Variants in RHBDL3 observed in about 807,000 individuals in gnomAD.
The protein encoded by RHBDL3 is rhomboid-related protein 3.
A neutral mutation model predicts 48.2 loss-of-function variants in RHBDL3; 28 were observed. The ratio of observed to expected loss-of-function variants is 0.58; its 90% confidence interval spans 0.43 to 0.80. The LOEUF is 0.80. Among genes scored for constraint, RHBDL3 ranks in the 30% least tolerant of loss-of-function variants. RHBDL3 has a pLI of 0.00. For synonymous variants in RHBDL3, 208 were observed against 232.3 expected, an observed-to-expected ratio of 0.90 and a Z score of 0.95; for missense variants, 464 against 542.7, an observed-to-expected ratio of 0.85 and a Z score of 1.44.
At position 32,322,328 on chromosome 17, in the gene RHBDL3, C is replaced by G. The variant is rs551467671; in HGVS notation, c.*1099C>G. 6.6e-6 allele frequency: 1 copy of G among 152,562 alleles called. No individual in the cohort carries two copies. The allele number at this position is 152,562 out of a possible 1,614,324, so 9.5% of individuals were successfully genotyped here. On this transcript the variant is annotated 3_prime_UTR_variant, in exon 9 of 9. Coordinates refer to ENST00000269051, the MANE Select transcript of RHBDL3 (RefSeq NM_138328.3). ...CTTCCCATCTCCTGTCCCTTCCACACCTGCCCCTGAGCATCACTGACCGGT... is the reference window on the plus strand; with the variant it reads ...CTTCCCATCTCCTGTCCCTTCCACAGCTGCCCCTGAGCATCACTGACCGGT...
intron 7 of RHBDL3, 65 bp from the exon 8 acceptor site, chr17:32,316,167 A>T: frequency 8.4e-7 from 1 of 1,190,604 alleles, no homozygotes; most frequent in South Asian, 1.2e-5. Flanking sequence ...AGGTTTTCTT[A>T]AGCAAGACAC....
At chr17:32,284,617 G>A (rs1210643966) in intron 2 of RHBDL3, 42 bp from the exon 3 acceptor site, 3 of 1,601,080 alleles carry the variant, frequency 1.9e-6, no homozygotes, top group South Asian at 1.1e-5. Flanking sequence ...TGAAGAGGAG[G>A]TGGTGCCCTG....
intron 7 of RHBDL3, among the ~76,000 whole-genome samples, chr17:32,313,476 T>TACATTC (rs1319213773): frequency 6.6e-6 from 1 of 152,234 alleles, no homozygotes; most frequent in Non-Finnish European, 1.5e-5. Context: ...AGTACATTCA[T>TACATTC]ACATTCACAT....
rs1597653445 is a variant in RHBDL3, at chr17:32,294,353, T to C, written c.579T>C (p.His193=). The change falls in exon 5 of 9, where the codon CAT becomes CAC. Residue 193 remains histidine (H), a synonymous_variant. Transcript: ENST00000269051. ...SLGQFVLQVT[H]PRYLKNSLVY... is the part of the protein sequence containing the mutation. ...GTCAATTTGTACTGCAGGTAACTCA[T>C]CCACGTTACTTGAAGAACTCCCTGG... The C allele has an allele frequency of 2.5e-6, 4 of 1,613,916 alleles. No individual in the cohort carries two copies. Among genetic ancestry groups the C allele is most frequent in the South Asian group, 1.1e-5 (1 of 91,078 alleles).
chr17:32,291,954 T>C (rs1301816543), intron 4 of RHBDL3, among the ~76,000 whole-genome samples: 1 of 151,922 alleles, frequency 6.6e-6, no homozygotes, highest in Non-Finnish European at 1.5e-5. Context: ...ATATTTTTAG[T>C]AGAGACGGGG....
At chr17:32,297,301 C>T (rs371497070) in intron 5 of RHBDL3, among the ~76,000 whole-genome samples, 151 of 152,220 alleles carry the variant, frequency 9.9e-4, no homozygotes, top group South Asian at 9.3e-3. Flanking sequence ...AACCCCATCT[C>T]TACTAAAAAT....
chr17:32,297,595 C>G (rs1217784446), intron 5 of RHBDL3, among the ~76,000 whole-genome samples: 1 of 145,230 alleles, frequency 6.9e-6, no homozygotes, highest in African/African-American at 2.5e-5. Flanking sequence ...CTAACTGTGG[C>G]TGGTCACTAT....
At chr17:32,274,359 C>T (rs950135555) in intron 2 of RHBDL3, among the ~76,000 whole-genome samples, 2 of 152,170 alleles carry the variant, frequency 1.3e-5, no homozygotes, top group Non-Finnish European at 2.9e-5. Context: ...GAAACCAGTC[C>T]GTGTGTGGCT....
intron 6 of RHBDL3, among the ~76,000 whole-genome samples, chr17:32,304,998 G>A (rs2040673728): frequency 6.6e-6 from 1 of 152,172 alleles, no homozygotes; most frequent in Admixed American, 6.5e-5. Flanking sequence ...GCGCACGACT[G>A]TAGTTCCAGC....
At chr17:32,275,427 G>A (rs1332333338) in intron 2 of RHBDL3, among the ~76,000 whole-genome samples, 4 of 152,324 alleles carry the variant, frequency 2.6e-5, no homozygotes, top group African/African-American at 4.8e-5. Context: ...TGAGGAGGTC[G>A]GAAGGAGGAG....
chr17:32,318,356 G>T (rs1406347898), intron 8 of RHBDL3, among the ~76,000 whole-genome samples: 2 of 148,992 alleles, frequency 1.3e-5, no homozygotes, highest in African/African-American at 5.0e-5. Flanking sequence ...AAAAGAAAAG[G>T]CCAGGCGCAG....
At chr17:32,296,073 A>G (rs2040438350) in intron 5 of RHBDL3, among the ~76,000 whole-genome samples, 1 of 151,674 alleles carries the variant, frequency 6.6e-6, no homozygotes, top group Admixed American at 6.6e-5. Flanking sequence ...GAAAAATACA[A>G]AAAAATTAGC....
Position 32,323,854 on chromosome 17 carries a change from C to G in RHBDL3, c.*2625C>G. 1 of 152,490 alleles carries G rather than the reference C, an allele frequency of 6.6e-6. No homozygotes were observed. The highest frequency in any genetic ancestry group is 1.5e-5 in the Non-Finnish European group (1 of 68,176). 9.4% of individuals were successfully genotyped at this position (152,490 alleles called of 1,614,324 possible). ...ACAGGGTGGGGTCATAGGGTCACTT[C>G]ACCTGACCCAGGCCTCTCCCCAGGT... On this transcript the variant is annotated 3_prime_UTR_variant, in exon 9 of 9. Transcript: ENST00000269051.
intron 2 of RHBDL3, among the ~76,000 whole-genome samples, chr17:32,282,158 T>G (rs957415446): frequency 1.3e-5 from 2 of 152,236 alleles, no homozygotes; most frequent in African/African-American, 2.4e-5. Flanking sequence ...CTTCAAGATC[T>G]TTACTGAGCA....
At chr17:32,267,968 G>A in intron 2 of RHBDL3, 43 bp downstream of exon 2, 1 of 1,502,164 alleles carries the variant, frequency 6.7e-7, no homozygotes, top group Non-Finnish European at 9.3e-7. Flanking sequence ...AGCCCTCCCT[G>A]AAATCGGTCT....
chr17:32,320,904 T>C, intron 8 of RHBDL3, 54 bp from the exon 9 acceptor site: 1 of 1,368,740 alleles, frequency 7.3e-7, no homozygotes, highest in Non-Finnish European at 1.0e-6. Context: ...GTGAAGGCCC[T>C]CAGCCCCTGC....
chr17:32,313,583 C>G (rs1324268347), intron 7 of RHBDL3, among the ~76,000 whole-genome samples: 1 of 151,994 alleles, frequency 6.6e-6, no homozygotes, highest in Non-Finnish European at 1.5e-5. Context: ...CCTCCTCCCT[C>G]CAGCCCCTGG....
chr17:32,281,962 CCGG>C (rs548219067), intron 2 of RHBDL3, among the ~76,000 whole-genome samples: 5 of 152,208 alleles, frequency 3.3e-5, no homozygotes, highest in Non-Finnish European at 7.3e-5. Flanking sequence ...CTGCCGCTTG[CCGG>C]GCAAATCACT....
At chr17:32,290,416 G>GATGA (rs779898611) in intron 4 of RHBDL3, among the ~76,000 whole-genome samples, 2 of 152,180 alleles carry the variant, frequency 1.3e-5, no homozygotes, top group South Asian at 4.1e-4. Context: ...GATTGGTTCA[G>GATGA]ATGAACCTCA....
Sources: allele counts gnomAD v4.1 joint callset (sites outside exome capture counted in the v4.1 genomes callset), GRCh38; gene constraint gnomAD v4.1.1; transcripts MANE v1.5; gene names NCBI Gene and HGNC (gene_info 2026-07-23, HGNC 2026-07-21).